Variants in ATP13A3 observed in about 807,000 individuals in gnomAD.
The protein encoded by ATP13A3 is ATPase 13A3.
In ATP13A3, 59 loss-of-function variants were observed where a neutral mutation model predicts 158.1. The observed-to-expected ratio is 0.37, with a 90% CI of 0.30 to 0.46. The LOEUF (loss-of-function observed/expected upper bound fraction) is 0.46, where lower values mean the gene tolerates loss of function less well. Among genes scored for constraint, ATP13A3 ranks in the 20% least tolerant of loss-of-function variants. The pLI is 1.00. For missense variants in ATP13A3, 1,166 were observed against 1,525.2 expected (o/e 0.76, Z 3.92); for synonymous variants, 491 against 504.3 (o/e 0.97, Z 0.35).
chr3:194,409,605 C>T (rs560949390), intron 33 of ATP13A3, among the ~76,000 whole-genome samples: 1 of 151,696 alleles, frequency 6.6e-6, no homozygotes, highest in South Asian at 2.1e-4. Flanking sequence ...ATGGGGGTCT[C>T]CACCGAAGAT....
intron 2 of ATP13A3, among the ~76,000 whole-genome samples, chr3:194,479,792 T>A (rs1160510423): frequency 6.6e-6 from 1 of 152,100 alleles, no homozygotes; most frequent in Non-Finnish European, 1.5e-5. Flanking sequence ...CAGATAGTTT[T>A]AAATTTTATA....
chr3:194,442,678 TA>T (rs986031552), intron 15 of ATP13A3, among the ~76,000 whole-genome samples: 2 of 151,034 alleles, frequency 1.3e-5, no homozygotes, highest in African/African-American at 2.4e-5. Flanking sequence ...ATAATGGAAG[TA>T]AAAAAGGCCT....
At chr3:194,460,571 C>T in intron 4 of ATP13A3, 87 bp downstream of exon 4, 2 of 1,353,456 alleles carry the variant, frequency 1.5e-6, no homozygotes, top group Non-Finnish European at 1.0e-6. Flanking sequence ...AGCGATGTTC[C>T]CTTCATCTAT....
At chr3:194,484,957 T>G (rs1720908386) in intron 2 of ATP13A3, among the ~76,000 whole-genome samples, 1 of 151,072 alleles carries the variant, frequency 6.6e-6, no homozygotes. Flanking sequence ...CTTAGGAGGC[T>G]GCGACAGGAG....
chr3:194,407,052 T>C (rs1714990522), intron 33 of ATP13A3, among the ~76,000 whole-genome samples: 1 of 152,204 alleles, frequency 6.6e-6, no homozygotes, highest in Admixed American at 6.5e-5. Context: ...GCAGAGTCCC[T>C]GGTTAATGCA....
Position 194,404,771 on chromosome 3 carries a change from C to T in ATP13A3, c.*1148G>A, listed in dbSNP as rs985431619. 1.3e-5 allele frequency: 2 copies of T among 152,144 alleles called. No homozygotes were observed. Among genetic ancestry groups the T allele is most frequent in the Non-Finnish European group, 2.9e-5 (2 of 68,012 alleles). The allele number at this position is 152,144 out of a possible 1,614,324, so 9.4% of individuals were successfully genotyped here. On this transcript the variant is annotated 3_prime_UTR_variant, in exon 34 of 34. Transcript: ENST00000645319. ...CAATTTTTTTTCTCCCAGAAATTTC[C>T]GCATCAAATATGCTCATTTGTAACG... is the stretch of plus-strand genomic sequence containing the variant.
In ATP13A3 at chr3:194,417,226, G is replaced by T. The variant is rs181046808; in HGVS notation, c.3402+2653C>A. 1.1e-3 allele frequency among the ~76,000 whole-genome samples: 171 copies of T among 152,148 alleles called. 3 individuals carry two copies. Among genetic ancestry groups the T allele is most frequent in the African/African-American group, 3.9e-3 (162 of 41,496 alleles). ...ACCCGAGGTCAAGAGTTCAAGACAA[G>T]CCTGGCCAACATGGTGAAAACCCAT... On this transcript the variant is annotated intron_variant, in intron 31 of 33. Coordinates refer to ENST00000645319, the MANE Select transcript of ATP13A3 (RefSeq NM_001367549.1).
chr3:194,452,038 T>C (rs925050986), intron 10 of ATP13A3: 5 of 152,296 alleles, frequency 3.3e-5, no homozygotes, highest in African/African-American at 1.2e-4. Context: ...AGGGCAAGTA[T>C]TTTATCACTC....
At chr3:194,472,384 A>G (rs1720344552) in intron 2 of ATP13A3, among the ~76,000 whole-genome samples, 1 of 152,224 alleles carries the variant, frequency 6.6e-6, no homozygotes, top group Non-Finnish European at 1.5e-5. Context: ...AAAATAAGGC[A>G]GATAGAATAA....
chr3:194,471,161 T>C (rs898258728), intron 2 of ATP13A3, among the ~76,000 whole-genome samples: 3 of 152,152 alleles, frequency 2.0e-5, no homozygotes, highest in South Asian at 4.2e-4. Context: ...TATCAGACCA[T>C]TCTCTTTGCC....
chr3:194,429,915 A>G, intron 26 of ATP13A3, 141 bp from the exon 27 acceptor site: 1 of 960,210 alleles, frequency 1.0e-6, no homozygotes, highest in East Asian at 2.6e-5. Flanking sequence ...ACTAAACCAA[A>G]TGAGGAGTAG....
At chr3:194,476,629 G>A (rs964711432) in intron 2 of ATP13A3, among the ~76,000 whole-genome samples, 10 of 152,104 alleles carry the variant, frequency 6.6e-5, no homozygotes, top group Admixed American at 4.6e-4. Flanking sequence ...CAGGTCCTGA[G>A]CCCTCGTCTC....
rs1037345282 is a variant in ATP13A3, at chr3:194,404,835, A to T, written c.*1084T>A. On this transcript the variant is annotated 3_prime_UTR_variant, in exon 34 of 34. Coordinates refer to ENST00000645319, the MANE Select transcript of ATP13A3 (RefSeq NM_001367549.1). The stretch of plus-strand genomic sequence containing the variant: ...TAGACATGTTCTGACCTCTGGCGCC[A>T]CCTAATGGCATAAAACAAACTCATC... The T allele has an allele frequency of 5.9e-5, 9 of 152,180 alleles. No individual in the cohort carries two copies. The highest frequency in any genetic ancestry group is 1.7e-4 in the African/African-American group (7 of 41,446). The allele number at this position is 152,180 out of a possible 1,614,324, so 9.4% of individuals were successfully genotyped here. A position where few individuals can be genotyped will look rare whatever the true frequency, so the allele number is the denominator to read the frequency against.
At position 194,430,201 on chromosome 3, in the gene ATP13A3, T is replaced by C. The variant is rs1717116028; in HGVS notation, c.2668-20A>G. The C allele has an allele frequency of 1.2e-6, 2 of 1,613,514 alleles. No homozygotes were observed. Among genetic ancestry groups the C allele is most frequent in the Admixed American group, 1.7e-5 (1 of 59,930 alleles). On this transcript the variant is annotated intron_variant, in intron 25 of 33. Coordinates refer to ENST00000645319, the MANE Select transcript of ATP13A3 (RefSeq NM_001367549.1). ...CAAAGCCTAATAATTTTAAGAAAAC[T>C]GGTTAAGTTTTGTGAATATGATTTA...
At chr3:194,445,890 C>A (rs1025672222) in intron 14 of ATP13A3, among the ~76,000 whole-genome samples, 8 of 152,138 alleles carry the variant, frequency 5.3e-5, no homozygotes, top group Admixed American at 1.3e-4. Context: ...CACACAGGTA[C>A]ATAATTTGTC....
At position 194,450,207 on chromosome 3, in the gene ATP13A3, A is replaced by G. The variant is rs376332864; in HGVS notation, c.908T>C (p.Ile303Thr). Reference protein sequence around the residue: ...DVMVIPLNGTIMPCDAVLING... With the variant: ...DVMVIPLNGTTMPCDAVLING... ...AATAAGCACAGCATCACAAGGCATT[A>G]TTGTCCCATTTAATGGAATGACCAT... The change falls in exon 11 of 34, where the codon ATA becomes ACA. Residue 303 changes from isoleucine to threonine, a missense_variant. Transcript: ENST00000645319. 6.4e-5 allele frequency: 104 copies of G among 1,613,680 alleles called. No individual in the cohort carries two copies. The highest frequency in any genetic ancestry group is 8.2e-5 in the Non-Finnish European group (97 of 1,179,752).
chr3:194,484,052 T>C (rs1720866805), intron 2 of ATP13A3, among the ~76,000 whole-genome samples: 1 of 152,150 alleles, frequency 6.6e-6, no homozygotes, highest in South Asian at 2.1e-4. Context: ...ATCTAGTGTG[T>C]GACACCTATT....
At chr3:194,409,768 A>C (rs1715222027) in intron 33 of ATP13A3, among the ~76,000 whole-genome samples, 1 of 139,880 alleles carries the variant, frequency 7.1e-6, no homozygotes, top group Non-Finnish European at 1.5e-5. Flanking sequence ...TGTGACAACC[A>C]AAAATGCCTC....
At chr3:194,437,049 C>T in intron 20 of ATP13A3, 46 bp downstream of exon 20, 1 of 1,590,084 alleles carries the variant, frequency 6.3e-7, no homozygotes, top group Non-Finnish European at 8.6e-7. Flanking sequence ...CTAATATAAC[C>T]ATAAATGATG....
Sources: gnomAD v4.1 joint callset for allele counts (sites outside exome capture counted in the v4.1 genomes callset) on GRCh38, gnomAD v4.1.1 for gene constraint, MANE v1.5 for transcripts, NCBI Gene and HGNC (gene_info 2026-07-23, HGNC 2026-07-21) for gene names.